The following TTC33 variants were observed in gnomAD, a reference collection of about 807,000 sequenced individuals.
The protein encoded by TTC33 is tetratricopeptide repeat protein 33.
A neutral mutation model predicts 29.4 loss-of-function variants in TTC33; 24 were observed. The ratio of observed to expected loss-of-function variants is 0.82; its 90% CI spans 0.59 to 1.15. The LOEUF is 1.15. TTC33 is among the 50% of genes most tolerant of loss of function. The probability of loss-of-function intolerance (pLI) is 0.00; values close to 1 mark genes in which losing one functional copy is unlikely to be tolerated. For missense variants in TTC33, 286 were observed against 310.4 expected, an observed-to-expected ratio of 0.92 and a Z score of 0.59; for synonymous variants, 107 against 100.3, an observed-to-expected ratio of 1.07 and a Z score of -0.40.
intron 4 of TTC33, among the ~76,000 whole-genome samples, chr5:40,722,464 C>T (rs1403212125): frequency 1.3e-5 from 2 of 150,386 alleles, no homozygotes; most frequent in Non-Finnish European, 3.0e-5. Context: ...AAGTGAGGAG[C>T]CTCTCTGCCT....
Position 40,714,189 on chromosome 5 carries a change from T to G in TTC33, c.*1956A>C, listed in dbSNP as rs1741952526. Among the ~76,000 whole-genome samples, 1 of 152,076 alleles carries G rather than the reference T, an allele frequency of 6.6e-6. No homozygotes were observed. The highest frequency in any genetic ancestry group is 1.5e-5 in the Non-Finnish European group (1 of 68,000). ...CTGTCAAGAAAAATCCCACTATCTCTCCTATAATACTGGAATCAGAGACTT... is the reference window on the plus strand; with the variant it reads ...CTGTCAAGAAAAATCCCACTATCTCGCCTATAATACTGGAATCAGAGACTT... On this transcript the variant is annotated 3_prime_UTR_variant, in exon 5 of 5. Transcript: ENST00000337702.
rs539194625 is a variant in TTC33, at chr5:40,738,210, G to C, written c.222-7867C>G. Among the ~76,000 whole-genome samples the C allele has an allele frequency of 3.9e-5, 6 of 152,130 alleles. No individual in the cohort carries two copies. The East Asian group carries it at 1.2e-3, about 29-fold the overall frequency. ...GCAGATAACCTGAGGTCAGGAGTTT[G>C]AGATCAGGCTGGCCAAGACGGTGAA... On this transcript the variant is annotated intron_variant, in intron 2 of 4. Coordinates refer to ENST00000337702, the MANE Select transcript of TTC33 (RefSeq NM_012382.3).
chr5:40,722,349 G>A (rs142676770), intron 4 of TTC33, among the ~76,000 whole-genome samples: 22,057 of 151,886 alleles, frequency 0.15, 1,710 homozygotes, highest in East Asian at 0.25. Flanking sequence ...AGTGAGGAGC[G>A]TCTCTGCCTG....
At chr5:40,722,504 G>A (rs1384710961) in intron 4 of TTC33, among the ~76,000 whole-genome samples, 1 of 149,716 alleles carries the variant, frequency 6.7e-6, no homozygotes, top group Non-Finnish European at 1.5e-5. Context: ...TGTGGGGAGC[G>A]CCTCTGCCCC....
Position 40,730,334 on chromosome 5 carries a change from C to T in TTC33, c.231G>A (p.Glu77=). 1 of 1,612,614 alleles carries T rather than the reference C, an allele frequency of 6.2e-7. No individual in the cohort carries two copies. Among genetic ancestry groups the T allele is most frequent in the Non-Finnish European group, 8.5e-7 (1 of 1,179,126 alleles). Residue 77 remains glutamate (E), a synonymous_variant, in exon 3 of 5, where the codon GAG becomes GAA. Transcript: ENST00000337702. ...GTGCTTCATCCCACTTCTGAATTGC[C>T]TCCCGATATCTGTGGTTGTTAAAGT... ...ASLAENKRYR[E]AIQKWDEALQ...
chr5:40,731,501 G>A (rs988806427), intron 2 of TTC33, among the ~76,000 whole-genome samples: 2 of 152,192 alleles, frequency 1.3e-5, no homozygotes, highest in Admixed American at 6.5e-5. Context: ...AAACTTACAA[G>A]GATGGCAGAA....
chr5:40,741,352 A>G (rs1178034542), intron 2 of TTC33, among the ~76,000 whole-genome samples: 1 of 152,180 alleles, frequency 6.6e-6, no homozygotes, highest in East Asian at 1.9e-4. Flanking sequence ...GTGACCATCA[A>G]AGACACTCCA....
intron 2 of TTC33, among the ~76,000 whole-genome samples, chr5:40,733,528 T>C (rs563356147): frequency 6.6e-6 from 1 of 152,200 alleles, no homozygotes; most frequent in Non-Finnish European, 1.5e-5. Context: ...GCTTATCATA[T>C]TTGTCAAATT....
intron 2 of TTC33, among the ~76,000 whole-genome samples, chr5:40,744,487 GT>G (rs375739587): frequency 1.5e-4 from 20 of 136,404 alleles, no homozygotes; most frequent in Non-Finnish European, 2.6e-4. Flanking sequence ...ACTCTTACCA[GT>G]TTTTTTTTTT....
intron 2 of TTC33, among the ~76,000 whole-genome samples, chr5:40,739,137 A>G (rs249420): frequency 0.69 from 104,804 of 152,078 alleles, 36,154 homozygotes; most frequent in East Asian, 0.8. Flanking sequence ...CTAGTACTAT[A>G]AAGGTATAAC....
intron 2 of TTC33, among the ~76,000 whole-genome samples, chr5:40,740,350 T>C (rs532484072): frequency 1.8e-4 from 27 of 152,064 alleles, no homozygotes; most frequent in South Asian, 1.0e-3. Flanking sequence ...TAATGGGTTA[T>C]CTCAGCTTTT....
At position 40,716,085 on chromosome 5, in the gene TTC33, A is replaced by G. The variant is rs1177118357; in HGVS notation, c.*60T>C. 4.4e-6 allele frequency: 6 copies of G among 1,365,854 alleles called. No individual in the cohort carries two copies. The highest frequency in any genetic ancestry group is 6.0e-6 in the Non-Finnish European group (6 of 1,006,638). 84.6% of individuals were successfully genotyped at this position (1,365,854 alleles called of 1,614,324 possible). On this transcript the variant is annotated 3_prime_UTR_variant, in exon 5 of 5. Coordinates refer to ENST00000337702, the MANE Select transcript of TTC33 (RefSeq NM_012382.3). ...ATCTATCTCCAGAGTAAATGTCTCT[A>G]TGTCAAAACTTCAAGAGGCAATCAA... is the stretch of plus-strand genomic sequence containing the variant.
intron 4 of TTC33, among the ~76,000 whole-genome samples, chr5:40,718,355 A>G (rs564447152): frequency 1.3e-4 from 20 of 151,960 alleles, no homozygotes; most frequent in Non-Finnish European, 2.6e-4. Context: ...ACAGTGAGCC[A>G]AGATGGTGCC....
Position 40,716,340 on chromosome 5 carries a change from T to C in TTC33, c.594A>G (p.Pro198=). Residue 198 remains proline (P), a synonymous_variant, in exon 5 of 5, where the codon CCA becomes CCG. Coordinates refer to ENST00000337702, the MANE Select transcript of TTC33 (RefSeq NM_012382.3). ...CAAAGTCATAGTCTGGAATTGACTT[T>C]GGTGAAAAGTGTGTTACTTCAGCTG... ...EAPAEVTHFS[P]KSIPDYDFES... 1 of 1,614,212 alleles carries C rather than the reference T, an allele frequency of 6.2e-7. No individual in the cohort carries two copies. Among genetic ancestry groups the C allele is most frequent in the Non-Finnish European group, 8.5e-7 (1 of 1,180,030 alleles).
rs1408645390 is a variant in TTC33 at position 40,713,255 on chromosome 5, G to C, written c.*2890C>G. ...TCCAGAGTCACTTTAGAATGGCTCT[G>C]ATTCAAGGAAATTAAAAGAAATGAT... On this transcript the variant is annotated 3_prime_UTR_variant, in exon 5 of 5. Coordinates refer to ENST00000337702, the MANE Select transcript of TTC33 (RefSeq NM_012382.3). Among the ~76,000 whole-genome samples the C allele has an allele frequency of 5.9e-5, 9 of 152,096 alleles. No individual in the cohort carries two copies. Among genetic ancestry groups the C allele is most frequent in the Admixed American group, 2.6e-4 (4 of 15,250 alleles).
chr5:40,717,334 C>T (rs556874174), intron 4 of TTC33, among the ~76,000 whole-genome samples: 5 of 151,618 alleles, frequency 3.3e-5, no homozygotes, highest in Middle Eastern at 3.4e-3. Context: ...TAGAGAAGCA[C>T]AGAAAGAGTA....
chr5:40,738,534 A>AAATAC (rs1306520722), intron 2 of TTC33, among the ~76,000 whole-genome samples: 33 of 135,376 alleles, frequency 2.4e-4, no homozygotes, highest in African/African-American at 6.8e-4. Flanking sequence ...AAATACAATA[A>AAATAC]AATACAATAA....
chr5:40,747,389 C>T (rs1041495289), intron 1 of TTC33, among the ~76,000 whole-genome samples: 1 of 152,060 alleles, frequency 6.6e-6, no homozygotes, highest in Non-Finnish European at 1.5e-5. Flanking sequence ...AGTATTCCAA[C>T]CCATAGGTAA....
At chr5:40,737,620 T>C (rs1742583446) in intron 2 of TTC33, among the ~76,000 whole-genome samples, 1 of 152,222 alleles carries the variant, frequency 6.6e-6, no homozygotes, top group Non-Finnish European at 1.5e-5. Context: ...ACGTACCCAC[T>C]TGAAGCATAC....
Sources: allele counts gnomAD v4.1 joint callset (sites outside exome capture counted in the v4.1 genomes callset), GRCh38; gene constraint gnomAD v4.1.1; transcripts MANE v1.5; gene names NCBI Gene and HGNC (gene_info 2026-07-23, HGNC 2026-07-21).